The following MAPK4 variants were observed in gnomAD, a reference collection of about 807,000 sequenced individuals.
MAPK4 encodes the protein Erk3-related.
MAPK4 carries 22 observed loss-of-function variants against 47.7 expected under a neutral mutation model. The observed-to-expected ratio is 0.46, with a 90% CI of 0.33 to 0.66. The LOEUF (loss-of-function observed/expected upper bound fraction) is 0.66. MAPK4 is among the 30% of genes least tolerant of loss of function. The pLI is 0.02. For missense variants in MAPK4, 736 were observed against 831.7 expected, an observed-to-expected ratio of 0.88 and a Z score of 1.42; for synonymous variants, 390 against 365.7, an observed-to-expected ratio of 1.07 and a Z score of -0.76.
intron 1 of MAPK4, among the ~76,000 whole-genome samples, chr18:50,627,250 A>T (rs1158365273): frequency 6.6e-6 from 1 of 152,118 alleles, no homozygotes; most frequent in Non-Finnish European, 1.5e-5. Flanking sequence ...ATGGTGGACT[A>T]GGGAGTCTGT....
At chr18:50,727,776 A>G (rs917977701) in intron 5 of MAPK4, among the ~76,000 whole-genome samples, 1 of 152,224 alleles carries the variant, frequency 6.6e-6, no homozygotes. Context: ...GAAGAGGATG[A>G]CAAAGGACCT....
intron 1 of MAPK4, among the ~76,000 whole-genome samples, chr18:50,563,929 C>G (rs56367672): frequency 0.24 from 36,032 of 152,050 alleles, 4,218 homozygotes; most frequent in South Asian, 0.32. Context: ...CACTTTAAGC[C>G]TCATAATGGA....
intron 1 of MAPK4, among the ~76,000 whole-genome samples, chr18:50,652,093 G>T (rs908915397): frequency 6.6e-6 from 1 of 152,214 alleles, no homozygotes; most frequent in Non-Finnish European, 1.5e-5. Flanking sequence ...TAAGTGGGCA[G>T]TGTTGTTATT....
intron 1 of MAPK4, among the ~76,000 whole-genome samples, chr18:50,587,205 G>A (rs962237878): frequency 6.6e-5 from 10 of 152,228 alleles, no homozygotes; most frequent in African/African-American, 2.2e-4. Flanking sequence ...TAAGACATGG[G>A]GCCTTTGGGA....
In MAPK4 at chr18:50,687,929, G is replaced by T. The variant is rs148221935; in HGVS notation, c.546+23425G>T. ...CTAGGAAAAAAAAGAGAAAGCCCTG[G>T]TTTAACCTTTAGCGAGATCAGGACT... On this transcript the variant is annotated intron_variant, in intron 2 of 5. Coordinates refer to ENST00000400384, the MANE Select transcript of MAPK4 (RefSeq NM_002747.4). 4.6e-5 allele frequency among the ~76,000 whole-genome samples: 7 copies of T among 152,272 alleles called. No individual in the cohort carries two copies. The East Asian group carries it at 1.4e-3, about 29-fold the overall frequency.
chr18:50,595,157 G>A (rs1217623671), intron 1 of MAPK4, among the ~76,000 whole-genome samples: 1 of 152,128 alleles, frequency 6.6e-6, no homozygotes. Flanking sequence ...ATTCTTATAA[G>A]GTTAAACATA....
At chr18:50,647,110 C>A (rs1157591919) in intron 1 of MAPK4, among the ~76,000 whole-genome samples, 1 of 152,182 alleles carries the variant, frequency 6.6e-6, no homozygotes, top group Admixed American at 6.5e-5. Flanking sequence ...ATAAATATTA[C>A]ATGAAAGTAT....
chr18:50,638,996 G>C (rs1367437018), intron 1 of MAPK4, among the ~76,000 whole-genome samples: 1 of 152,224 alleles, frequency 6.6e-6, no homozygotes, highest in Non-Finnish European at 1.5e-5. Context: ...CTCCACAGAG[G>C]AGGAAGGCCT....
intron 1 of MAPK4, among the ~76,000 whole-genome samples, chr18:50,585,442 CCT>C (rs1173686370): frequency 6.6e-6 from 1 of 152,160 alleles, no homozygotes; most frequent in Non-Finnish European, 1.5e-5. Flanking sequence ...TCTTCCCTGT[CCT>C]CTCTTTTAGC....
intron 1 of MAPK4, among the ~76,000 whole-genome samples, chr18:50,562,465 T>C (rs1598771665): frequency 7.2e-6 from 1 of 139,410 alleles, no homozygotes; most frequent in African/African-American, 2.7e-5. Flanking sequence ...AAGGAACCAA[T>C]AGGGGAAGGG....
chr18:50,640,915 C>G (rs538296602), intron 1 of MAPK4, among the ~76,000 whole-genome samples: 1 of 152,104 alleles, frequency 6.6e-6, no homozygotes, highest in East Asian at 1.9e-4. Context: ...ATGAAGGTAC[C>G]TAGAAAAATA....
intron 2 of MAPK4, among the ~76,000 whole-genome samples, chr18:50,712,698 G>T (rs1348409): frequency 0.98 from 148,447 of 152,242 alleles, 72,491 homozygotes; most frequent in East Asian, 1. Context: ...TGTCCCCACT[G>T]TTCTTTAACC....
chr18:50,701,507 G>T (rs186851087), intron 2 of MAPK4, among the ~76,000 whole-genome samples: 9 of 152,160 alleles, frequency 5.9e-5, no homozygotes, highest in Admixed American at 1.3e-4. Flanking sequence ...AGTTTTAGTG[G>T]GCTATGTTTA....
At position 50,726,347 on chromosome 18, in the gene MAPK4, A is replaced by G. The variant is rs754144780; in HGVS notation, c.1067+172A>G. On this transcript the variant is annotated intron_variant, in intron 5 of 5. Transcript: ENST00000400384. ...TGTGCCCAGACACTACCAGTAAATG[A>G]CCAGTGTGAGTTGCATGTGTGGGTC... Among the ~76,000 whole-genome samples the G allele has an allele frequency of 3.3e-5, 5 of 152,008 alleles. No homozygotes were observed. In the East Asian group the frequency reaches 9.6e-4, roughly 29 times the overall value.
At chr18:50,709,749 A>G (rs1467195938) in intron 2 of MAPK4, among the ~76,000 whole-genome samples, 3 of 152,192 alleles carry the variant, frequency 2.0e-5, no homozygotes, top group Non-Finnish European at 4.4e-5. Context: ...CAGTTACAGC[A>G]CCTTGAACCA....
intron 1 of MAPK4, among the ~76,000 whole-genome samples, chr18:50,625,171 G>T (rs2042765856): frequency 6.6e-6 from 1 of 151,570 alleles, no homozygotes; most frequent in South Asian, 2.1e-4. Flanking sequence ...AGCTTTCTCA[G>T]GGCACAGGGG....
At chr18:50,625,574 T>G (rs914394020) in intron 1 of MAPK4, among the ~76,000 whole-genome samples, 5 of 152,130 alleles carry the variant, frequency 3.3e-5, no homozygotes, top group Non-Finnish European at 7.4e-5. Context: ...CCTTCCTTCA[T>G]GGAGCTTCCA....
intron 3 of MAPK4, among the ~76,000 whole-genome samples, chr18:50,716,515 G>A (rs539502755): frequency 7.2e-5 from 11 of 152,302 alleles, no homozygotes; most frequent in African/African-American, 2.6e-4. Flanking sequence ...TAACTTTGTA[G>A]AGGCTGGAAG....
intron 2 of MAPK4, among the ~76,000 whole-genome samples, chr18:50,703,905 A>G (rs1321107120): frequency 6.6e-6 from 1 of 152,142 alleles, no homozygotes. Flanking sequence ...TAAAAACAGC[A>G]AGTCTGTAGG....
Sources: allele counts gnomAD v4.1 joint callset (sites outside exome capture counted in the v4.1 genomes callset), GRCh38; gene constraint gnomAD v4.1.1; transcripts MANE v1.5; gene names NCBI Gene and HGNC (gene_info 2026-07-23, HGNC 2026-07-21).